Variants in MDGA2 observed in about 807,000 individuals in gnomAD.
MDGA2 encodes MAM domain-containing glycosylphosphatidylinositol anchor protein 2.
In MDGA2, 40 loss-of-function variants were observed where a neutral mutation model predicts 117.8. That is an observed-to-expected ratio of 0.34 (90% CI 0.26 to 0.44). The LOEUF is 0.44. Ranked by LOEUF, MDGA2 falls within the 20% of genes least tolerant of loss-of-function variation. MDGA2 has a pLI of 1.00. For missense variants in MDGA2, 1,123 were observed against 1,250.6 expected (o/e 0.90, Z 1.54); for synonymous variants, 452 against 439.0 (o/e 1.03, Z -0.37).
At chr14:47,615,495 A>C (rs1896931984) in intron 1 of MDGA2, among the ~76,000 whole-genome samples, 1 of 152,190 alleles carries the variant, frequency 6.6e-6, no homozygotes. Flanking sequence ...TGTAGTTAAA[A>C]GTCTGAAATG....
chr14:47,067,614 A>G (rs1173971963), intron 6 of MDGA2, among the ~76,000 whole-genome samples: 1 of 152,162 alleles, frequency 6.6e-6, no homozygotes, highest in Non-Finnish European at 1.5e-5. Context: ...CCAACCAACA[A>G]TTTAGAAAAC....
At chr14:47,331,929 C>T (rs1890304541) in intron 1 of MDGA2, among the ~76,000 whole-genome samples, 1 of 151,936 alleles carries the variant, frequency 6.6e-6, no homozygotes, top group Admixed American at 6.6e-5. Context: ...TCTCATTTAG[C>T]ACGTACGAAC....
chr14:47,553,086 C>A (rs930873358), intron 1 of MDGA2, among the ~76,000 whole-genome samples: 3 of 152,160 alleles, frequency 2.0e-5, no homozygotes, highest in Non-Finnish European at 4.4e-5. Flanking sequence ...CTGAGGCGGC[C>A]CTAACCTGAG....
At chr14:47,021,540 T>G (rs1594535702) in intron 8 of MDGA2, among the ~76,000 whole-genome samples, 1 of 152,326 alleles carries the variant, frequency 6.6e-6, no homozygotes, top group East Asian at 1.9e-4. Flanking sequence ...TATTCTTGTC[T>G]TTCATTATAA....
At chr14:47,002,240 G>A (rs1235252237) in intron 8 of MDGA2, among the ~76,000 whole-genome samples, 2 of 151,944 alleles carry the variant, frequency 1.3e-5, no homozygotes, top group Non-Finnish European at 2.9e-5. Flanking sequence ...ATTGAATAAA[G>A]AATAAGAAGG....
chr14:47,283,804 T>C (rs1888581362), intron 2 of MDGA2, among the ~76,000 whole-genome samples: 2 of 152,106 alleles, frequency 1.3e-5, no homozygotes. Context: ...TTTTAATAAA[T>C]AAACAGCAAG....
intron 1 of MDGA2, among the ~76,000 whole-genome samples, chr14:47,615,776 C>T (rs1407632559): frequency 6.6e-6 from 1 of 152,064 alleles, no homozygotes; most frequent in Admixed American, 6.5e-5. Context: ...CCCACCTCAC[C>T]GTGATTATTA....
At chr14:47,286,067 T>C (rs1481208062) in intron 2 of MDGA2, among the ~76,000 whole-genome samples, 1 of 151,964 alleles carries the variant, frequency 6.6e-6, no homozygotes, top group Non-Finnish European at 1.5e-5. Flanking sequence ...GTGTGTGATA[T>C]ATATATAACT....
chr14:47,403,239 T>C (rs1390070138), intron 1 of MDGA2, among the ~76,000 whole-genome samples: 1 of 152,216 alleles, frequency 6.6e-6, no homozygotes, highest in Non-Finnish European at 1.5e-5. Context: ...GCTCATTCAG[T>C]TGGGCATTTT....
intron 1 of MDGA2, among the ~76,000 whole-genome samples, chr14:47,323,404 T>C (rs995495330): frequency 4.6e-5 from 7 of 151,632 alleles, no homozygotes; most frequent in African/African-American, 1.2e-4. Context: ...GGCAGGAAGA[T>C]CACTAGAGGT....
chr14:47,358,367 T>C (rs1891040702), intron 1 of MDGA2, among the ~76,000 whole-genome samples: 2 of 152,206 alleles, frequency 1.3e-5, no homozygotes, highest in Admixed American at 1.3e-4. Context: ...AATCCCCTTG[T>C]TAAACCTTTC....
chr14:46,854,960 C>G, intron 15 of MDGA2, 64 bp downstream of exon 15: 1 of 1,330,740 alleles, frequency 7.5e-7, no homozygotes, highest in Non-Finnish European at 1.0e-6. Context: ...AATATTTGCT[C>G]AAGATCCACC....
intron 1 of MDGA2, among the ~76,000 whole-genome samples, chr14:47,480,829 C>A (rs554524552): frequency 1.3e-5 from 2 of 151,894 alleles, no homozygotes; most frequent in South Asian, 4.2e-4. Flanking sequence ...TGTAATAGGA[C>A]AACGTGCTAT....
chr14:47,603,645 TTCTC>T (rs537880308), intron 1 of MDGA2, among the ~76,000 whole-genome samples: 376 of 152,246 alleles, frequency 2.5e-3, no homozygotes, highest in Middle Eastern at 3.4e-3. Flanking sequence ...GTTTCTCTTG[TTCTC>T]TCTTTCTGCT....
intron 6 of MDGA2, among the ~76,000 whole-genome samples, chr14:47,082,849 T>C (rs1424651053): frequency 6.6e-6 from 1 of 151,724 alleles, no homozygotes; most frequent in East Asian, 1.9e-4. Flanking sequence ...AATGAAAAGA[T>C]GAAAAATTTT....
At chr14:47,572,218 A>C (rs1186867641) in intron 1 of MDGA2, among the ~76,000 whole-genome samples, 1 of 152,178 alleles carries the variant, frequency 6.6e-6, no homozygotes, top group Non-Finnish European at 1.5e-5. Flanking sequence ...ACAAAATACA[A>C]GGTATGTGCG....
chr14:47,674,966 A>T lies in MDGA2; in HGVS notation c.-170T>A. 2.4e-6 allele frequency: 1 copy of T among 422,812 alleles called. No homozygotes were observed. Among genetic ancestry groups the T allele is most frequent in the Non-Finnish European group, 4.1e-6 (1 of 242,140 alleles). The allele number at this position is 422,812 out of a possible 1,614,324, so 26.2% of individuals were successfully genotyped here. A position where few individuals can be genotyped will look rare whatever the true frequency, so the allele number is the denominator to read the frequency against. On this transcript the variant is annotated 5_prime_UTR_variant, in exon 1 of 17. Transcript: ENST00000399232. ...CTGCGAGGCGAAGTGTTCTTCAGGG[A>T]AGCGGGCTCGAGTCTCCGCAGCTGC... is the stretch of plus-strand genomic sequence containing the variant.
intron 1 of MDGA2, among the ~76,000 whole-genome samples, chr14:47,423,556 CTGTG>C (rs34672294): frequency 6.7e-6 from 1 of 150,302 alleles, no homozygotes; most frequent in Admixed American, 6.6e-5. Context: ...ATCCCCACGC[CTGTG>C]TGTGTGTGTG....
At chr14:47,382,817 C>T (rs1891667097) in intron 1 of MDGA2, among the ~76,000 whole-genome samples, 1 of 152,140 alleles carries the variant, frequency 6.6e-6, no homozygotes, top group Non-Finnish European at 1.5e-5. Flanking sequence ...GGATCTAGAA[C>T]CAGAAAAACC....
Sources: allele counts gnomAD v4.1 joint callset (sites outside exome capture counted in the v4.1 genomes callset), GRCh38; gene constraint gnomAD v4.1.1; transcripts MANE v1.5; gene names NCBI Gene and HGNC (gene_info 2026-07-23, HGNC 2026-07-21).